The following TERB1 variants were observed in gnomAD, a reference collection of about 807,000 sequenced individuals.
TERB1 encodes the protein telomere repeats-binding bouquet formation protein 1.
A neutral mutation model predicts 92.3 loss-of-function variants in TERB1; 63 were observed. That is an observed-to-expected ratio of 0.68 (90% confidence interval 0.56 to 0.84). The LOEUF is 0.84. TERB1 is among the 40% of genes least tolerant of loss of function. The pLI is 0.00. For synonymous variants in TERB1, 252 were observed against 283.9 expected, an observed-to-expected ratio of 0.89 and a Z score of 1.13; for missense variants, 709 against 843.7, an observed-to-expected ratio of 0.84 and a Z score of 1.98.
chr16:66,776,970 T>C (rs562377071), intron 11 of TERB1, among the ~76,000 whole-genome samples: 4 of 152,180 alleles, frequency 2.6e-5, no homozygotes, highest in African/African-American at 9.6e-5. Flanking sequence ...ACATTGGAAC[T>C]GGACAGAAAG....
intron 12 of TERB1, among the ~76,000 whole-genome samples, chr16:66,774,185 C>T (rs1419426378): frequency 2.5e-5 from 2 of 79,936 alleles, no homozygotes; most frequent in Non-Finnish European, 4.5e-5. Flanking sequence ...CCAGCCCAAA[C>T]GTTTTTTTTT....
intron 12 of TERB1, among the ~76,000 whole-genome samples, chr16:66,773,329 G>T (rs954361720): frequency 2.0e-5 from 3 of 152,108 alleles, no homozygotes; most frequent in East Asian, 3.8e-4. Flanking sequence ...GTGAGACTTC[G>T]TCTCAAAAAT....
intron 2 of TERB1, among the ~76,000 whole-genome samples, chr16:66,797,778 G>A (rs1176682643): frequency 6.9e-6 from 1 of 145,700 alleles, no homozygotes; most frequent in Admixed American, 6.8e-5. Context: ...GGTCTCCTGA[G>A]CTCAAGCAAT....
At chr16:66,781,712 G>A (rs574211411) in intron 9 of TERB1, among the ~76,000 whole-genome samples, 1 of 151,848 alleles carries the variant, frequency 6.6e-6, no homozygotes, top group African/African-American at 2.4e-5. Context: ...AGGAGAGACG[G>A]GGTTTCACCG....
chr16:66,761,076 C>G (rs1299756802), intron 16 of TERB1, among the ~76,000 whole-genome samples: 1 of 142,914 alleles, frequency 7.0e-6, no homozygotes, highest in Non-Finnish European at 1.5e-5. Context: ...CGCGACTGCA[C>G]TCCAACCTGG....
chr16:66,765,681 C>T (rs887681957), intron 16 of TERB1, among the ~76,000 whole-genome samples: 9 of 151,464 alleles, frequency 5.9e-5, no homozygotes, highest in African/African-American at 2.2e-4. Flanking sequence ...TGGTCTTGAA[C>T]TCCTGAGCTC....
Position 66,754,847 on chromosome 16 carries a change from CTG to C in TERB1, c.*127_*128del. 1.2e-6 allele frequency: 1 copy of C among 818,488 alleles called. No homozygotes were observed. The highest frequency in any genetic ancestry group is 1.9e-6 in the Non-Finnish European group (1 of 526,274). The allele number at this position is 818,488 out of a possible 1,614,324, so 50.7% of individuals were successfully genotyped here. ...TTGATGAGTTTCAGCATCACAAAAA[CTG>C]TTTAATGAAAACTGTATCCTCATTT... On this transcript the variant is annotated 3_prime_UTR_variant, in exon 19 of 19. Coordinates refer to ENST00000433154, the MANE Select transcript of TERB1 (RefSeq NM_001136505.2).
chr16:66,770,413 G>C lies in TERB1; in HGVS notation c.1273-104C>G, dbSNP rs1253004993. Reference sequence around the variant, plus strand: ...AAGAATGAAGAAAAAGTTTATGATTGCCAATAGAACATATATGATAAAAGG... The same window carrying C: ...AAGAATGAAGAAAAAGTTTATGATTCCCAATAGAACATATATGATAAAAGG... On this transcript the variant is annotated intron_variant, in intron 13 of 18. Coordinates refer to ENST00000433154, the MANE Select transcript of TERB1 (RefSeq NM_001136505.2). The C allele has an allele frequency of 9.0e-6, 7 of 774,820 alleles. No homozygotes were observed. The African/African-American group carries it at 1.2e-4, about 14-fold the overall frequency. 48.0% of individuals were successfully genotyped at this position (774,820 alleles called of 1,614,324 possible).
In TERB1 at chr16:66,776,089, G is replaced by T. The variant is rs982661325; in HGVS notation, c.986-846C>A. On this transcript the variant is annotated intron_variant, in intron 11 of 18. Transcript: ENST00000433154. ...TCACACCTGTAGTCCCAGCACTTTG[G>T]GAGGCCGAGGCAGGCGGATCACCTG... Among the ~76,000 whole-genome samples the T allele has an allele frequency of 2.0e-5, 3 of 151,908 alleles. No individual in the cohort carries two copies. In the South Asian group the frequency reaches 6.2e-4, roughly 31 times the overall value.
intron 16 of TERB1, among the ~76,000 whole-genome samples, chr16:66,765,849 A>ATTTTTTTTTT (rs10564947): frequency 1.4e-4 from 9 of 62,460 alleles, no homozygotes; most frequent in South Asian, 7.2e-4. Flanking sequence ...ACTATTGGGT[A>ATTTTTTTTTT]TTTTTTTTTT....
intron 1 of TERB1, 46 bp downstream of exon 1, chr16:66,801,422 A>G (rs1959294954): frequency 6.6e-6 from 1 of 152,274 alleles, no homozygotes; most frequent in Non-Finnish European, 1.5e-5. Flanking sequence ...CGGGGCGGTA[A>G]GACATCCTGG....
chr16:66,757,961 CT>C (rs1353212637), intron 18 of TERB1, among the ~76,000 whole-genome samples: 1 of 152,090 alleles, frequency 6.6e-6, no homozygotes, highest in African/African-American at 2.4e-5. Flanking sequence ...CTATTTGTCT[CT>C]TCAATTTTTA....
At chr16:66,773,887 T>C (rs1214904374) in intron 12 of TERB1, among the ~76,000 whole-genome samples, 4 of 151,952 alleles carry the variant, frequency 2.6e-5, no homozygotes, top group African/African-American at 9.7e-5. Context: ...ACTCAAACTT[T>C]TTTTTTTTTT....
intron 9 of TERB1, among the ~76,000 whole-genome samples, chr16:66,782,151 A>G (rs576348449): frequency 1.8e-4 from 28 of 152,320 alleles, no homozygotes; most frequent in African/African-American, 6.7e-4. Flanking sequence ...TTATTTGTTG[A>G]AAATATCTTT....
At chr16:66,788,034 T>C in intron 6 of TERB1, 135 bp downstream of exon 6, 2 of 605,118 alleles carry the variant, frequency 3.3e-6, no homozygotes, top group Non-Finnish European at 5.2e-6. Flanking sequence ...GCACTCCACC[T>C]TGGGTGTCAG....
intron 12 of TERB1, among the ~76,000 whole-genome samples, chr16:66,773,902 CAG>C (rs1286986399): frequency 2.0e-5 from 3 of 151,474 alleles, no homozygotes; most frequent in Admixed American, 6.6e-5. Flanking sequence ...TTTTTTGAGA[CAG>C]AGTCTTGCTC....
chr16:66,800,608 C>T (rs1403131132), intron 2 of TERB1, among the ~76,000 whole-genome samples: 1 of 151,876 alleles, frequency 6.6e-6, no homozygotes, highest in Non-Finnish European at 1.5e-5. Context: ...AGATAAATGG[C>T]ATCTTTTTGT....
chr16:66,757,665 C>T (rs2018159332), intron 18 of TERB1, among the ~76,000 whole-genome samples: 1 of 152,074 alleles, frequency 6.6e-6, no homozygotes, highest in South Asian at 2.1e-4. Context: ...TGAAAATAGC[C>T]AAATAAATAT....
intron 16 of TERB1, among the ~76,000 whole-genome samples, chr16:66,760,130 C>CA (rs148772308): frequency 5.3e-3 from 123 of 23,318 alleles, no homozygotes; most frequent in Admixed American, 0.024. Flanking sequence ...GACTCCATCT[C>CA]AAAAAAAAAA....
Sources: gnomAD v4.1 joint callset for allele counts (sites outside exome capture counted in the v4.1 genomes callset) on GRCh38, gnomAD v4.1.1 for gene constraint, MANE v1.5 for transcripts, NCBI Gene and HGNC (gene_info 2026-07-23, HGNC 2026-07-21) for gene names.